ZNF430: variants seen among roughly 807,000 people sequenced by gnomAD.
ZNF430 encodes zinc finger protein 430.
In ZNF430, 35 loss-of-function variants were observed where a neutral mutation model predicts 56.7. The ratio of observed to expected loss-of-function variants is 0.62; its 90% CI spans 0.47 to 0.82. The LOEUF (loss-of-function observed/expected upper bound fraction) is 0.82, where lower values mean the gene tolerates loss of function less well. Ranked by LOEUF, ZNF430 falls within the 40% of genes least tolerant of loss-of-function variation. The pLI, the probability that ZNF430 is intolerant of heterozygous loss-of-function variation, is 0.00. For missense variants in ZNF430, 574 were observed against 661.0 expected (o/e 0.87, Z 1.44); for synonymous variants, 212 against 224.3 (o/e 0.94, Z 0.49).
chr19:21,024,787 A>C (rs1967762319), intron 2 of ZNF430, among the ~76,000 whole-genome samples: 1 of 152,064 alleles, frequency 6.6e-6, no homozygotes, highest in African/African-American at 2.4e-5. Context: ...CTTAAAAAAA[A>C]AAAAAAGAAG....
At chr19:21,026,735 T>C (rs1377718415) in intron 2 of ZNF430, among the ~76,000 whole-genome samples, 1 of 152,024 alleles carries the variant, frequency 6.6e-6, no homozygotes, top group African/African-American at 2.4e-5. Context: ...GCTGAGACTA[T>C]AGGGTTTTGA....
At chr19:21,027,198 T>C (rs1048640144) in intron 2 of ZNF430, among the ~76,000 whole-genome samples, 2 of 152,122 alleles carry the variant, frequency 1.3e-5, no homozygotes, top group Admixed American at 1.3e-4. Context: ...GAATAGGATG[T>C]TTGAGAGAAG....
At chr19:21,044,111 C>A (rs978395215) in intron 4 of ZNF430, among the ~76,000 whole-genome samples, 1 of 151,450 alleles carries the variant, frequency 6.6e-6, no homozygotes. Context: ...CCAGAACTTC[C>A]AATACTACGT....
intron 4 of ZNF430, chr19:21,035,258 T>G (rs1301158184): frequency 2.6e-5 from 4 of 152,244 alleles, no homozygotes; most frequent in Non-Finnish European, 4.4e-5. Flanking sequence ...ATATCTTTCG[T>G]TGTAAAGATT....
intron 4 of ZNF430, among the ~76,000 whole-genome samples, chr19:21,045,514 C>T (rs1421806499): frequency 6.6e-6 from 1 of 152,118 alleles, no homozygotes; most frequent in African/African-American, 2.4e-5. Context: ...AAAGTAAGTG[C>T]CATGTGACAC....
intron 2 of ZNF430, among the ~76,000 whole-genome samples, chr19:21,025,497 C>T (rs1409773794): frequency 6.6e-6 from 1 of 152,164 alleles, no homozygotes; most frequent in African/African-American, 2.4e-5. Flanking sequence ...GCCTAACCAT[C>T]TGGGAGTGCA....
At chr19:21,035,584 T>C (rs537299512) in intron 4 of ZNF430, 5 of 215,284 alleles carry the variant, frequency 2.3e-5, no homozygotes, top group Admixed American at 1.7e-4. Flanking sequence ...ATGGGCACAA[T>C]GTAGTTTTGC....
At chr19:21,053,060 A>G (rs1968310434) in intron 4 of ZNF430, among the ~76,000 whole-genome samples, 1 of 152,186 alleles carries the variant, frequency 6.6e-6, no homozygotes, top group Admixed American at 6.6e-5. Context: ...ATTTTGTTGC[A>G]GCCCAAAATG....
chr19:21,028,602 G>A (rs1967845752), intron 2 of ZNF430, among the ~76,000 whole-genome samples: 1 of 152,210 alleles, frequency 6.6e-6, no homozygotes, highest in Non-Finnish European at 1.5e-5. Context: ...GGGCAGAATT[G>A]TGTCAGGCTG....
chr19:21,054,381 T>G (rs1455569277), intron 4 of ZNF430, among the ~76,000 whole-genome samples: 1 of 151,956 alleles, frequency 6.6e-6, no homozygotes, highest in Non-Finnish European at 1.5e-5. Context: ...AAGGTTTTTT[T>G]TTTTTATTTA....
rs1366920304 is a variant in ZNF430 at position 21,059,639 on chromosome 19, T to C, written c.*1618T>C. On this transcript the variant is annotated 3_prime_UTR_variant, in exon 5 of 5. Coordinates refer to ENST00000261560, the MANE Select transcript of ZNF430 (RefSeq NM_025189.4). ...AGGGCTTTTTGCAGAGTTATTACGT[T>C]TGAAGTATACTTTATTTCTTGAAAA... The C allele has an allele frequency of 6.6e-6, 1 of 152,160 alleles. No homozygotes were observed. The highest frequency in any genetic ancestry group is 1.5e-5 in the Non-Finnish European group (1 of 68,024). 9.4% of individuals were successfully genotyped at this position (152,160 alleles called of 1,614,324 possible). A position where few individuals can be genotyped will look rare whatever the true frequency, so the allele number is the denominator to read the frequency against.
chr19:21,027,972 T>C (rs1967834060), intron 2 of ZNF430, among the ~76,000 whole-genome samples: 1 of 152,206 alleles, frequency 6.6e-6, no homozygotes, highest in African/African-American at 2.4e-5. Flanking sequence ...TCATATCACG[T>C]AGAATGAGCT....
chr19:21,020,683 G>GT lies in ZNF430; in HGVS notation c.-117dup, dbSNP rs34836515. ...TCCCTCGCTGTGGCCTGAGCTCCAG[G>GT]TCTCGTCTTCAGCGCTCTGTGTCCT... On this transcript the variant is annotated 5_prime_UTR_variant, in exon 1 of 5. Coordinates refer to ENST00000261560, the MANE Select transcript of ZNF430 (RefSeq NM_025189.4). 6.4e-3 allele frequency: 9,381 copies of GT among 1,462,964 alleles called. 412 individuals are homozygous for GT. In the African/African-American group the frequency reaches 0.11, roughly 17 times the overall value. 90.6% of individuals were successfully genotyped at this position (1,462,964 alleles called of 1,614,324 possible).
Position 21,057,063 on chromosome 19 carries a change from G to C in ZNF430, c.755G>C (p.Arg252Thr). Reference protein sequence around the residue: ...FNWFSTLTRHRRIHTGEKPYK... With the variant: ...FNWFSTLTRHTRIHTGEKPYK... ...TGGTTCTCAACCCTTACTAGACACA[G>C]AAGAATTCATACTGGAGAGAAACCC... The change falls in exon 5 of 5, where the codon AGA becomes ACA. Residue 252 changes from arginine (R) to threonine (T), a missense_variant. Coordinates refer to ENST00000261560, the MANE Select transcript of ZNF430 (RefSeq NM_025189.4). The C allele has an allele frequency of 1.9e-6, 3 of 1,614,024 alleles. No individual in the cohort carries two copies. The highest frequency in any genetic ancestry group is 8.5e-7 in the Non-Finnish European group (1 of 1,179,950).
chr19:21,040,980 T>C (rs1439847870), intron 4 of ZNF430, among the ~76,000 whole-genome samples: 2 of 152,166 alleles, frequency 1.3e-5, no homozygotes, highest in Admixed American at 6.6e-5. Context: ...CTCACCCAAT[T>C]ATGGTTACTA....
chr19:21,031,878 A>C (rs775793989), intron 2 of ZNF430, among the ~76,000 whole-genome samples: 4 of 152,202 alleles, frequency 2.6e-5, no homozygotes, highest in Non-Finnish European at 5.9e-5. Flanking sequence ...TGTTTTAACT[A>C]CATTAAAAAA....
chr19:21,054,669 C>CTTTTTTT lies in ZNF430; in HGVS notation c.323-1944_323-1938dup, dbSNP rs55772412. On this transcript the variant is annotated intron_variant, in intron 4 of 4. Coordinates refer to ENST00000261560, the MANE Select transcript of ZNF430 (RefSeq NM_025189.4). The stretch of plus-strand genomic sequence containing the variant: ...TTTTTGAGCTTCTTCATTTTTACGT[C>CTTTTTTT]TTTTTTTTTTTTTTTTTTTTTTTTG... 8.5e-4 allele frequency among the ~76,000 whole-genome samples: 56 copies of CTTTTTTT among 65,594 alleles called. 1 individual carries two copies. The highest frequency in any genetic ancestry group is 9.8e-4 in the Non-Finnish European group (38 of 38,606). The allele number at this position is 65,594 out of a possible 152,430, so 43.0% of individuals were successfully genotyped here.
At chr19:21,034,406 T>G (rs576865142) in intron 4 of ZNF430, 2 of 389,156 alleles carry the variant, frequency 5.1e-6, no homozygotes, top group East Asian at 7.9e-5. Flanking sequence ...AAGTTTGCTA[T>G]CAGAACCAAA....
chr19:21,024,738 C>T (rs1967761122), intron 2 of ZNF430, among the ~76,000 whole-genome samples: 1 of 151,592 alleles, frequency 6.6e-6, no homozygotes, highest in South Asian at 2.1e-4. Context: ...CTAGATCGCG[C>T]CACTGCACTC....
Sources: allele counts gnomAD v4.1 joint callset (sites outside exome capture counted in the v4.1 genomes callset), GRCh38; gene constraint gnomAD v4.1.1; transcripts MANE v1.5; gene names NCBI Gene and HGNC (gene_info 2026-07-23, HGNC 2026-07-21).